Variants in USP9X observed in about 807,000 individuals in gnomAD.
USP9X encodes ubiquitin carboxyl-terminal hydrolase 9X.
A neutral mutation model predicts 190.3 loss-of-function variants in USP9X; 7 were observed. That is an observed-to-expected ratio of 0.04 (90% CI 0.02 to 0.07). The LOEUF (loss-of-function observed/expected upper bound fraction) is 0.07. Ranked by LOEUF, USP9X falls within the 10% of genes least tolerant of loss-of-function variation. The probability of loss-of-function intolerance (pLI) is 1.00; values close to 1 mark genes in which losing one functional copy is unlikely to be tolerated. For synonymous variants in USP9X, 645 were observed against 659.5 expected, an observed-to-expected ratio of 0.98 and a Z score of 0.34; for missense variants, 1,010 against 1,916.9, an observed-to-expected ratio of 0.53 and a Z score of 8.83.
At chrX:41,192,566 T>TTAG (rs1244436323) in intron 26 of USP9X, among the ~76,000 whole-genome samples, 2 of 111,744 alleles carry the variant, frequency 1.8e-5, no homozygotes, top group Non-Finnish European at 3.8e-5. Context: ...GAGTATTTGG[T>TTAG]TAAATGTTTA....
Position 41,168,206 on chromosome X carries a change from T to A in USP9X, c.2624T>A (p.Leu875His). 3 of 1,199,018 alleles carry A rather than the reference T, an allele frequency of 2.5e-6. No individual in the cohort carries two copies. The highest frequency in any genetic ancestry group is 3.4e-6 in the Non-Finnish European group (3 of 888,149). ...DSDYHEERTI[L>H]PMSRAFRGKH... ...GATTATCATGAGGAAAGAACAATTC[T>A]CCCTATGTCGAGGTTTGTGAATAAC... The change falls in exon 18 of 45, where the codon CTC becomes CAC. Residue 875 changes from leucine to histidine, a missense_variant. This residue lies in a region of USP9X where 351 missense variants were observed against 480.8 expected (regional missense o/e 0.73). Transcript: ENST00000378308.
chrX:41,118,611 C>T (rs2062167937), intron 1 of USP9X, among the ~76,000 whole-genome samples: 1 of 111,569 alleles, frequency 9.0e-6, no homozygotes, highest in Admixed American at 9.5e-5. Context: ...TTGCCCCACA[C>T]TTGGGAATAT....
rs1161954721 is a variant in USP9X at position 41,162,080 on chromosome X, G to A, written c.1898-710G>A. Among the ~76,000 whole-genome samples the A allele has an allele frequency of 2.7e-5, 3 of 111,651 alleles. No individual in the cohort carries two copies. The East Asian group carries it at 8.4e-4, about 31-fold the overall frequency. On this transcript the variant is annotated intron_variant, in intron 14 of 44. Transcript: ENST00000378308. Reference sequence around the variant, plus strand: ...AGCATCAAAACCAAATATGTTTCCAGACATTATGAATGTCCCATCTTTATA... The same window carrying A: ...AGCATCAAAACCAAATATGTTTCCAAACATTATGAATGTCCCATCTTTATA...
At chrX:41,112,454 A>G (rs947091400) in intron 1 of USP9X, among the ~76,000 whole-genome samples, 2 of 112,268 alleles carry the variant, frequency 1.8e-5, no homozygotes, top group Non-Finnish European at 3.8e-5. Context: ...CTTAGCTTCT[A>G]TTTATGTCTG....
chrX:41,162,419 T>G (rs760891061), intron 14 of USP9X, among the ~76,000 whole-genome samples: 5 of 112,052 alleles, frequency 4.5e-5, no homozygotes, highest in Non-Finnish European at 9.4e-5. Context: ...GAAAACACCT[T>G]TCAATATAAC....
intron 1 of USP9X, among the ~76,000 whole-genome samples, chrX:41,117,509 CTATA>C (rs1432813889): frequency 9.2e-6 from 1 of 109,127 alleles, no homozygotes; most frequent in Non-Finnish European, 1.9e-5. Context: ...AGTGAGTACT[CTATA>C]TATACAATTT....
Position 41,166,075 on chromosome X carries a change from C to A in USP9X, c.2189C>A (p.Ser730Tyr). The A allele has an allele frequency of 8.3e-7, 1 of 1,211,318 alleles. No individual in the cohort carries two copies. Among genetic ancestry groups the A allele is most frequent in the Non-Finnish European group, 1.1e-6 (1 of 895,358 alleles). Reference sequence around the variant, plus strand: ...AGTAATGTGCTTCAGCTTGATCCTTCTCTGTTAACTGAAAATGGAATGAAG... The same window carrying A: ...AGTAATGTGCTTCAGCTTGATCCTTATCTGTTAACTGAAAATGGAATGAAG... The part of the protein sequence containing the change: ...FESNVLQLDP[S>Y]LLTENGMKCF... Residue 730 changes from serine to tyrosine, a missense_variant, in exon 16 of 45, where the codon TCT becomes TAT. Coordinates refer to ENST00000378308, the MANE Select transcript of USP9X (RefSeq NM_001039591.3).
intron 38 of USP9X, among the ~76,000 whole-genome samples, chrX:41,219,648 G>T (rs1468876096): frequency 2.7e-5 from 3 of 111,115 alleles, no homozygotes; most frequent in African/African-American, 9.8e-5. Context: ...ATAAGTTTTT[G>T]TTTAAGTAAA....
intron 34 of USP9X, 94 bp from the exon 35 acceptor site, chrX:41,215,803 TAA>T: frequency 1.1e-6 from 1 of 885,293 alleles, no homozygotes; most frequent in Non-Finnish European, 1.5e-6. Flanking sequence ...AAAATTCAGA[TAA>T]GTCTTAATAT....
At chrX:41,205,065 T>G (rs1049872773) in intron 31 of USP9X, 28 of 269,603 alleles carry the variant, frequency 1.0e-4, no homozygotes, top group Non-Finnish European at 1.3e-4. Flanking sequence ...TAAATTACTA[T>G]GCTAATGCTA....
intron 35 of USP9X, 142 bp from the exon 36 acceptor site, chrX:41,217,078 A>T (rs894900551): frequency 1.5e-6 from 1 of 672,204 alleles, no homozygotes; most frequent in Non-Finnish European, 2.1e-6. Flanking sequence ...TAAAATAAAA[A>T]AATAAATGGG....
At chrX:41,117,314 C>T (rs2062155787) in intron 1 of USP9X, among the ~76,000 whole-genome samples, 1 of 111,824 alleles carries the variant, frequency 8.9e-6, no homozygotes, top group Admixed American at 9.5e-5. Flanking sequence ...TAGTTATCCA[C>T]ATGATACTTT....
At chrX:41,152,421 C>CA (rs1466481720) in intron 13 of USP9X, among the ~76,000 whole-genome samples, 1 of 111,350 alleles carries the variant, frequency 9.0e-6, no homozygotes, top group Non-Finnish European at 1.9e-5. Context: ...GGTAGCAAAA[C>CA]AGATTAGGGT....
chrX:41,204,662 T>G (rs770880585), intron 31 of USP9X, among the ~76,000 whole-genome samples: 5 of 111,883 alleles, frequency 4.5e-5, no homozygotes, highest in Non-Finnish European at 9.4e-5. Flanking sequence ...GTATTTTTAC[T>G]GTACCTTTTC....
chrX:41,094,278 G>A (rs1411967080), intron 1 of USP9X, among the ~76,000 whole-genome samples: 1 of 109,330 alleles, frequency 9.1e-6, no homozygotes, highest in African/African-American at 3.3e-5. Context: ...CTGGGTTCAA[G>A]TGATTCTCCA....
At chrX:41,212,735 T>A (rs1366512368) in intron 33 of USP9X, among the ~76,000 whole-genome samples, 1 of 111,484 alleles carries the variant, frequency 9.0e-6, no homozygotes, top group African/African-American at 3.3e-5. Context: ...AATATAGTCA[T>A]GGGTTGAGTA....
At chrX:41,163,123 T>C (rs1400895563) in intron 15 of USP9X, among the ~76,000 whole-genome samples, 2 of 112,049 alleles carry the variant, frequency 1.8e-5, no homozygotes, top group East Asian at 5.6e-4. Flanking sequence ...CTGTTTATGC[T>C]GGAAATAATG....
At chrX:41,194,431 A>G (rs1345418382) in intron 26 of USP9X, among the ~76,000 whole-genome samples, 1 of 111,089 alleles carries the variant, frequency 9.0e-6, no homozygotes, top group Non-Finnish European at 1.9e-5. Context: ...GCATATACCT[A>G]TAATCCCAAC....
intron 26 of USP9X, among the ~76,000 whole-genome samples, chrX:41,193,841 C>G (rs1480987124): frequency 2.7e-5 from 3 of 111,495 alleles, no homozygotes; most frequent in Non-Finnish European, 5.7e-5. Flanking sequence ...AAGGGACTGA[C>G]TGTTGTGAAG....
Sources: allele counts gnomAD v4.1 joint callset (sites outside exome capture counted in the v4.1 genomes callset), GRCh38; gene constraint gnomAD v4.1.1; regional missense constraint gnomAD v4.1.1; transcripts MANE v1.5; gene names NCBI Gene and HGNC (gene_info 2026-07-23, HGNC 2026-07-21).